Variants in ST8SIA6 observed in about 807,000 individuals in gnomAD.
ST8SIA6 encodes ST8 alpha-N-acetyl-neuraminide alpha-2,8-sialyltransferase 6, also known as alpha-2,8-sialyltransferase 8F.
In ST8SIA6, 39 loss-of-function variants were observed where a neutral mutation model predicts 33.6. The ratio of observed to expected loss-of-function variants is 1.16; its 90% CI spans 0.90 to 1.52. The LOEUF (loss-of-function observed/expected upper bound fraction) is 1.52, where lower values mean the gene tolerates loss of function less well. Among genes scored for constraint, ST8SIA6 ranks in the 40% most tolerant of loss-of-function variants. The pLI is 0.00. For missense variants in ST8SIA6, 441 were observed against 443.8 expected (o/e 0.99, Z 0.06); for synonymous variants, 172 against 167.2 (o/e 1.03, Z -0.22).
chr10:17,320,994 C>G lies in ST8SIA6; in HGVS notation c.1081G>C (p.Asp361His). The G allele has an allele frequency of 6.2e-7, 1 of 1,614,030 alleles. No individual in the cohort carries two copies. Among genetic ancestry groups the G allele is most frequent in the Non-Finnish European group, 8.5e-7 (1 of 1,179,966 alleles). ...AAACCATGTTTAGGTAGCTTGTTGT[C>G]ATAATAGTGATGGCTGACAGGTATG... Reference protein sequence around the residue: ...EDIPVSHHYYDNKLPKHGFHQ... With the variant: ...EDIPVSHHYYHNKLPKHGFHQ... Residue 361 changes from aspartate (D) to histidine (H), a missense_variant, in exon 8 of 8, where the codon GAC becomes CAC. Physicochemically the swap from Asp to His is moderately conservative, Grantham distance 81. Coordinates refer to ENST00000377602, the MANE Select transcript of ST8SIA6 (RefSeq NM_001004470.3).
chr10:17,445,638 T>C (rs1852677813), intron 2 of ST8SIA6, among the ~76,000 whole-genome samples: 1 of 152,242 alleles, frequency 6.6e-6, no homozygotes. Context: ...CTTGGGTGCC[T>C]CTGTCCCCAG....
chr10:17,336,895 A>C (rs936044181), intron 4 of ST8SIA6, among the ~76,000 whole-genome samples: 1 of 152,024 alleles, frequency 6.6e-6, no homozygotes, highest in Non-Finnish European at 1.5e-5. Context: ...TGCCTGGCCT[A>C]CATGTATGCT....
chr10:17,375,622 G>T (rs1471978172), intron 3 of ST8SIA6, among the ~76,000 whole-genome samples: 1 of 152,198 alleles, frequency 6.6e-6, no homozygotes. Context: ...CTCACCTATG[G>T]CGTAAGCCGC....
intron 2 of ST8SIA6, among the ~76,000 whole-genome samples, chr10:17,416,153 T>C (rs1207078987): frequency 6.6e-6 from 1 of 152,072 alleles, no homozygotes; most frequent in Non-Finnish European, 1.5e-5. Flanking sequence ...CCCAGTCAAC[T>C]GCTCCTCTTC....
At chr10:17,367,991 T>G (rs150178299) in intron 3 of ST8SIA6, among the ~76,000 whole-genome samples, 4 of 152,290 alleles carry the variant, frequency 2.6e-5, no homozygotes, top group African/African-American at 9.6e-5. Context: ...TACGTATCCG[T>G]ACAGCACTTA....
chr10:17,434,177 G>A (rs1852183304), intron 2 of ST8SIA6, among the ~76,000 whole-genome samples: 1 of 152,130 alleles, frequency 6.6e-6, no homozygotes, highest in Non-Finnish European at 1.5e-5. Flanking sequence ...GGGACTCCTT[G>A]GGAGCAGGGA....
chr10:17,416,503 A>C (rs1481647263), intron 2 of ST8SIA6, among the ~76,000 whole-genome samples: 1 of 152,192 alleles, frequency 6.6e-6, no homozygotes, highest in African/African-American at 2.4e-5. Flanking sequence ...GCATATCCAA[A>C]ACATAACCTT....
intron 2 of ST8SIA6, among the ~76,000 whole-genome samples, chr10:17,451,003 G>A (rs770122182): frequency 6.6e-6 from 1 of 152,132 alleles, no homozygotes; most frequent in African/African-American, 2.4e-5. Context: ...TTCACTCCAG[G>A]CTCCACAATG....
chr10:17,326,944 T>A, intron 6 of ST8SIA6, 70 bp downstream of exon 6: 1 of 1,104,636 alleles, frequency 9.1e-7, no homozygotes, highest in Non-Finnish European at 1.3e-6. Flanking sequence ...AATGGATATC[T>A]TTACACTATC....
intron 3 of ST8SIA6, among the ~76,000 whole-genome samples, chr10:17,362,389 GATA>G (rs1286846568): frequency 1.8e-4 from 27 of 152,168 alleles, no homozygotes; most frequent in Non-Finnish European, 4.4e-5. Flanking sequence ...CTATAACTAA[GATA>G]ATAAGCATTA....
chr10:17,388,795 A>G (rs796914283), intron 3 of ST8SIA6, among the ~76,000 whole-genome samples: 68 of 152,308 alleles, frequency 4.5e-4, no homozygotes, highest in African/African-American at 1.6e-3. Flanking sequence ...TTGAGTCTGA[A>G]ACAAAATTGA....
In ST8SIA6 at chr10:17,320,705, T is replaced by G; in HGVS notation, c.*173A>C. The G allele has an allele frequency of 8.1e-6, 5 of 617,792 alleles. No homozygotes were observed. The highest frequency in any genetic ancestry group is 2.8e-5 in the East Asian group (1 of 36,346). 38.3% of individuals were successfully genotyped at this position (617,792 alleles called of 1,614,324 possible). ...ATGTTATAAGGAGAAAAAATGAAGA[T>G]GAGAAGGATTGAATGACTTGCCATC... On this transcript the variant is annotated 3_prime_UTR_variant, in exon 8 of 8. Coordinates refer to ENST00000377602, the MANE Select transcript of ST8SIA6 (RefSeq NM_001004470.3).
chr10:17,449,394 A>G (rs1852832618), intron 2 of ST8SIA6, among the ~76,000 whole-genome samples: 1 of 152,180 alleles, frequency 6.6e-6, no homozygotes, highest in Non-Finnish European at 1.5e-5. Flanking sequence ...ATGGGGTGAT[A>G]TTTTGAAAAC....
chr10:17,412,954 T>G (rs937582094), intron 2 of ST8SIA6, among the ~76,000 whole-genome samples: 1 of 152,200 alleles, frequency 6.6e-6, no homozygotes. Context: ...TCCAAAACTA[T>G]GTACATTATT....
At chr10:17,433,284 T>TA (rs1554802514) in intron 2 of ST8SIA6, among the ~76,000 whole-genome samples, 2 of 152,170 alleles carry the variant, frequency 1.3e-5, no homozygotes, top group African/African-American at 4.8e-5. Flanking sequence ...ATCAAGTTGT[T>TA]ACACACACAC....
intron 3 of ST8SIA6, among the ~76,000 whole-genome samples, chr10:17,369,132 T>C (rs1402729235): frequency 6.6e-6 from 1 of 152,230 alleles, no homozygotes; most frequent in African/African-American, 2.4e-5. Context: ...ATCATATATG[T>C]ACTGTTAAGT....
At chr10:17,382,586 C>G (rs1053417742) in intron 3 of ST8SIA6, among the ~76,000 whole-genome samples, 1 of 152,130 alleles carries the variant, frequency 6.6e-6, no homozygotes, top group Non-Finnish European at 1.5e-5. Flanking sequence ...CTTTTAAAGT[C>G]CTTGTTAACA....
rs867662863 is a variant in ST8SIA6 at position 17,374,751 on chromosome 10, A to T, written c.291-15151T>A. ...ATAAATAAATAAATAAATAAATAAT[A>T]AATATATATATATATATTTAGCTCA... is the stretch of plus-strand genomic sequence containing the variant. On this transcript the variant is annotated intron_variant, in intron 3 of 7. Transcript: ENST00000377602. Among the ~76,000 whole-genome samples the T allele has an allele frequency of 2.8e-4, 32 of 114,122 alleles. No individual in the cohort carries two copies. The South Asian group carries it at 3.3e-3, about 12-fold the overall frequency. 74.9% of individuals were successfully genotyped at this position (114,122 alleles called of 152,430 possible). A position where few individuals can be genotyped will look rare whatever the true frequency, so the allele number is the denominator to read the frequency against.
At chr10:17,402,491 G>T (rs1851082747) in intron 2 of ST8SIA6, among the ~76,000 whole-genome samples, 2 of 152,160 alleles carry the variant, frequency 1.3e-5, no homozygotes, top group Admixed American at 6.5e-5. Flanking sequence ...TATGTTTATT[G>T]TGGCACTATT....
Sources: gnomAD v4.1 joint callset for allele counts (sites outside exome capture counted in the v4.1 genomes callset) on GRCh38, gnomAD v4.1.1 for gene constraint, MANE v1.5 for transcripts, NCBI Gene and HGNC (gene_info 2026-07-23, HGNC 2026-07-21) for gene names.